Variants in TBX19 observed in about 807,000 individuals in gnomAD.
The protein encoded by TBX19 is T-box transcription factor TBX19.
In TBX19, 33 loss-of-function variants were observed where a neutral mutation model predicts 40.9. The observed-to-expected ratio is 0.81, with a 90% CI of 0.61 to 1.08. The LOEUF (loss-of-function observed/expected upper bound fraction) is 1.08, where lower values mean the gene tolerates loss of function less well. Ranked by LOEUF, TBX19 falls within the 50% of genes least tolerant of loss-of-function variation. The pLI, the probability that TBX19 is intolerant of heterozygous loss-of-function variation, is 0.00. For missense variants in TBX19, 494 were observed against 574.0 expected, an observed-to-expected ratio of 0.86 and a Z score of 1.42; for synonymous variants, 220 against 225.0, an observed-to-expected ratio of 0.98 and a Z score of 0.20.
intron 5 of TBX19, among the ~76,000 whole-genome samples, chr1:168,302,841 C>T (rs1458667529): frequency 1.3e-5 from 2 of 151,986 alleles, no homozygotes; most frequent in Non-Finnish European, 2.9e-5. Flanking sequence ...CCTTCACACT[C>T]GGCAGAAATA....
At chr1:168,292,592 C>T (rs561059480) in intron 2 of TBX19, among the ~76,000 whole-genome samples, 14 of 152,262 alleles carry the variant, frequency 9.2e-5, no homozygotes, top group Admixed American at 5.2e-4. Context: ...CAGCCGGGCG[C>T]GGTGGCTCGC....
chr1:168,282,227 A>T (rs1449923968), intron 1 of TBX19, among the ~76,000 whole-genome samples: 1 of 152,208 alleles, frequency 6.6e-6, no homozygotes, highest in African/African-American at 2.4e-5. Flanking sequence ...GAGAATTCTG[A>T]TAAAAGAGAA....
chr1:168,308,650 A>G lies in TBX19; in HGVS notation c.917-92A>G, dbSNP rs1381040334. 4.0e-6 allele frequency: 6 copies of G among 1,511,382 alleles called. No homozygotes were observed. The East Asian group carries it at 1.4e-4, about 34-fold the overall frequency. The allele number at this position is 1,511,382 out of a possible 1,614,324, so 93.6% of individuals were successfully genotyped here. ...ACTGTTGGTGCCTGTAGTGCAAGCC[A>G]TGGTTATATTTTGCCCTAGGATAAT... On this transcript the variant is annotated intron_variant, in intron 6 of 7. Transcript: ENST00000367821.
In TBX19 at chr1:168,298,893, TTCTTTC is replaced by T. The variant is rs1406319752; in HGVS notation, c.665+1112_665+1117del. Among the ~76,000 whole-genome samples, 32 of 117,906 alleles carry T rather than the reference TTCTTTC, an allele frequency of 2.7e-4. 4 individuals are homozygous for T. Among genetic ancestry groups the T allele is most frequent in the Middle Eastern group, 4.1e-3 (1 of 246 alleles). 77.4% of individuals were successfully genotyped at this position (117,906 alleles called of 152,430 possible). ...TTTCTTTCTTTCTTTCTTTCTTTCT[TTCTTTC>T]TCTCTCTCTCTCTTTCTTTCATTCT... On this transcript the variant is annotated intron_variant, in intron 4 of 7. Transcript: ENST00000367821.
rs1029005186 is a variant in TBX19 at position 168,313,465 on chromosome 1, T to A, written c.*463T>A. 1 of 238,142 alleles carries A rather than the reference T, an allele frequency of 4.2e-6. No homozygotes were observed. Among genetic ancestry groups the A allele is most frequent in the African/African-American group, 2.3e-5 (1 of 43,928 alleles). 14.8% of individuals were successfully genotyped at this position (238,142 alleles called of 1,614,324 possible). A position where few individuals can be genotyped will look rare whatever the true frequency, so the allele number is the denominator to read the frequency against. On this transcript the variant is annotated 3_prime_UTR_variant, in exon 8 of 8. Coordinates refer to ENST00000367821, the MANE Select transcript of TBX19 (RefSeq NM_005149.3). Reference sequence around the variant, plus strand: ...TCACACTTCTGCTTTGAGACCAGGATGGGGTGTAAGCCATAGAGTAAGGTT... The same window carrying A: ...TCACACTTCTGCTTTGAGACCAGGAAGGGGTGTAAGCCATAGAGTAAGGTT...
At chr1:168,304,954 T>C (rs1184773267) in intron 5 of TBX19, 54 bp from the exon 6 acceptor site, 1 of 1,575,024 alleles carries the variant, frequency 6.3e-7, no homozygotes, top group Admixed American at 1.7e-5. Context: ...CACCTGATTT[T>C]TGGTGTGGGA....
In TBX19 at chr1:168,311,672, G is replaced by T. The variant is rs116942184; in HGVS notation, c.1053-1036G>T. Among the ~76,000 whole-genome samples, 92 of 152,236 alleles carry T rather than the reference G, an allele frequency of 6.0e-4. No individual in the cohort carries two copies. In the East Asian group the frequency reaches 0.016, roughly 26 times the overall value. Reference sequence around the variant, plus strand: ...AACAAATGTATTCAATATTGCCATTGGATAATAAGCATATTATCAAGCAAT... The same window carrying T: ...AACAAATGTATTCAATATTGCCATTTGATAATAAGCATATTATCAAGCAAT... On this transcript the variant is annotated intron_variant, in intron 7 of 7. Coordinates refer to ENST00000367821, the MANE Select transcript of TBX19 (RefSeq NM_005149.3).
At chr1:168,284,987 A>C (rs994056011) in intron 1 of TBX19, among the ~76,000 whole-genome samples, 1 of 152,088 alleles carries the variant, frequency 6.6e-6, no homozygotes, top group African/African-American at 2.4e-5. Flanking sequence ...CATAGTCTCC[A>C]GTAAGGGCAG....
chr1:168,290,451 G>T (rs953990552), intron 1 of TBX19, among the ~76,000 whole-genome samples: 10 of 152,230 alleles, frequency 6.6e-5, no homozygotes, highest in African/African-American at 2.2e-4. Context: ...GTCCCATGGT[G>T]TACATGGGTA....
chr1:168,300,139 C>G (rs1168726944), intron 4 of TBX19, among the ~76,000 whole-genome samples: 1 of 152,018 alleles, frequency 6.6e-6, no homozygotes. Context: ...TCTTGTCAGT[C>G]AGGAGCAATA....
At chr1:168,288,634 C>T (rs1019810625) in intron 1 of TBX19, among the ~76,000 whole-genome samples, 2 of 152,156 alleles carry the variant, frequency 1.3e-5, no homozygotes. Flanking sequence ...AAGACACCAG[C>T]CATGCTCTCA....
chr1:168,286,028 T>C (rs1208602743), intron 1 of TBX19, among the ~76,000 whole-genome samples: 1 of 152,216 alleles, frequency 6.6e-6, no homozygotes, highest in Non-Finnish European at 1.5e-5. Context: ...TAATAGGGAA[T>C]GTATTAAAAA....
intron 7 of TBX19, among the ~76,000 whole-genome samples, chr1:168,310,154 T>C (rs1040568577): frequency 6.6e-6 from 1 of 151,874 alleles, no homozygotes; most frequent in Non-Finnish European, 1.5e-5. Flanking sequence ...ATACAAAAAT[T>C]AGCCAGGCGT....
chr1:168,312,529 C>T (rs1305043516), intron 7 of TBX19, among the ~76,000 whole-genome samples, 179 bp from the exon 8 acceptor site: 1 of 152,218 alleles, frequency 6.6e-6, no homozygotes, highest in African/African-American at 2.4e-5. Flanking sequence ...TACTTTGCTG[C>T]TTCTCTTAGC....
intron 7 of TBX19, among the ~76,000 whole-genome samples, 185 bp downstream of exon 7, chr1:168,309,062 A>G (rs551786165): frequency 6.6e-6 from 1 of 152,304 alleles, no homozygotes; most frequent in Non-Finnish European, 1.5e-5. Context: ...CAGCTCAGTC[A>G]TATACTGTTT....
chr1:168,286,369 G>A (rs572110125), intron 1 of TBX19, among the ~76,000 whole-genome samples: 14 of 152,312 alleles, frequency 9.2e-5, no homozygotes, highest in Admixed American at 3.3e-4. Context: ...TGCTTCAAAA[G>A]GAAGCCCTGC....
chr1:168,310,735 A>G (rs1285919772), intron 7 of TBX19, among the ~76,000 whole-genome samples: 6 of 146,620 alleles, frequency 4.1e-5, no homozygotes, highest in Non-Finnish European at 4.5e-5. Context: ...TAAATATAAT[A>G]TAGACTTATA....
chr1:168,291,803 A>G (rs1648951162), intron 2 of TBX19, among the ~76,000 whole-genome samples: 1 of 152,014 alleles, frequency 6.6e-6, no homozygotes, highest in South Asian at 2.1e-4. Flanking sequence ...ATAGACAAAT[A>G]CCTTCATAAA....
rs1648628444 is a variant in TBX19 at position 168,280,896 on chromosome 1, G to A, written c.-195G>A. ...GCCTCCACCCCGCTCCCCAACTAAA[G>A]CTTAACAGGTTGGTGGCATAATGTG... On this transcript the variant is annotated 5_prime_UTR_variant, in exon 1 of 8. Coordinates refer to ENST00000367821, the MANE Select transcript of TBX19 (RefSeq NM_005149.3). The A allele has an allele frequency of 1.6e-6, 1 of 629,404 alleles. No homozygotes were observed. The highest frequency in any genetic ancestry group is 1.8e-5 in the South Asian group (1 of 56,858). 39.0% of individuals were successfully genotyped at this position (629,404 alleles called of 1,614,324 possible). A position where few individuals can be genotyped will look rare whatever the true frequency, so the allele number is the denominator to read the frequency against.
Sources: allele counts gnomAD v4.1 joint callset (sites outside exome capture counted in the v4.1 genomes callset), GRCh38; gene constraint gnomAD v4.1.1; transcripts MANE v1.5; gene names NCBI Gene and HGNC (gene_info 2026-07-23, HGNC 2026-07-21).